Variants in GSPT1 observed in about 807,000 individuals in gnomAD.
GSPT1 encodes the protein G1 to S phase transition 1, also known as eukaryotic peptide chain release factor GTP-binding subunit ERF3A.
In GSPT1, 20 loss-of-function variants were observed where a neutral mutation model predicts 72.5. The observed-to-expected ratio is 0.28, with a 90% CI of 0.19 to 0.40. GSPT1 has a LOEUF of 0.40. GSPT1 is among the 10% of genes least tolerant of loss of function. The pLI, the probability that GSPT1 is intolerant of heterozygous loss-of-function variation, is 1.00. For synonymous variants in GSPT1, 334 were observed against 293.5 expected, an observed-to-expected ratio of 1.14 and a Z score of -1.41; for missense variants, 580 against 811.9, an observed-to-expected ratio of 0.71 and a Z score of 3.47.
At chr16:11,915,010 C>T (rs1274478136) in intron 1 of GSPT1, 2 of 1,289,892 alleles carry the variant, frequency 1.6e-6, no homozygotes, top group African/African-American at 3.0e-5. Context: ...CTGGCTCCAT[C>T]TGTCCTCATT....
chr16:11,913,444 T>C (rs996598143), intron 1 of GSPT1, among the ~76,000 whole-genome samples: 10 of 152,230 alleles, frequency 6.6e-5, no homozygotes, highest in Admixed American at 1.3e-4. Context: ...GCATCTCCAA[T>C]TTCTAGCACT....
chr16:11,875,277 C>T (rs1360091482), intron 14 of GSPT1, among the ~76,000 whole-genome samples: 2 of 152,102 alleles, frequency 1.3e-5, no homozygotes, highest in Non-Finnish European at 2.9e-5. Context: ...GGAAACGTTT[C>T]ATAACAATCA....
In GSPT1 at chr16:11,869,859, T is replaced by C. The variant is rs1031943795; in HGVS notation, c.*3260A>G. The stretch of plus-strand genomic sequence containing the variant: ...TCATCTTGGGAGCAGTTTTTGATCA[T>C]AGGTTCAACTTTTTTCTTGGGTTGC... On this transcript the variant is annotated 3_prime_UTR_variant, in exon 15 of 15. Coordinates refer to ENST00000434724, the MANE Select transcript of GSPT1 (RefSeq NM_002094.4). 6.6e-6 allele frequency: 1 copy of C among 152,214 alleles called. No individual in the cohort carries two copies. Among genetic ancestry groups the C allele is most frequent in the African/African-American group, 2.4e-5 (1 of 41,454 alleles). 9.4% of individuals were successfully genotyped at this position (152,214 alleles called of 1,614,324 possible).
upstream of GSPT1, among the ~76,000 whole-genome samples, chr16:11,916,283 G>A (rs868269245): frequency 6.6e-6 from 1 of 152,212 alleles, no homozygotes; most frequent in African/African-American, 2.4e-5. Context: ...TGGTGGGGGG[G>A]CAGCGGCAGG....
rs1034680573 is a variant in GSPT1 at position 11,868,929 on chromosome 16, C to G, written c.*4190G>C. ...AGAACATAAAGGTTTTAATTAATCT[C>G]CACTCCCACACCTTCAGGCCCTTAT... On this transcript the variant is annotated 3_prime_UTR_variant, in exon 15 of 15. Transcript: ENST00000434724. The G allele has an allele frequency of 6.6e-6, 1 of 152,196 alleles. No individual in the cohort carries two copies. Among genetic ancestry groups the G allele is most frequent in the Non-Finnish European group, 1.5e-5 (1 of 68,042 alleles). 9.4% of individuals were successfully genotyped at this position (152,196 alleles called of 1,614,324 possible). A position where few individuals can be genotyped will look rare whatever the true frequency, so the allele number is the denominator to read the frequency against.
In GSPT1 at chr16:11,875,157, C is replaced by A. The variant is rs371007310; in HGVS notation, c.1861+604G>T. Reference sequence around the variant, plus strand: ...TGAGCCAAGATGGTGCCACTGCACTCCAGCCTGGGTGACAGATCGAGACTC... The same window carrying A: ...TGAGCCAAGATGGTGCCACTGCACTACAGCCTGGGTGACAGATCGAGACTC... On this transcript the variant is annotated intron_variant, in intron 14 of 14. Coordinates refer to ENST00000434724, the MANE Select transcript of GSPT1 (RefSeq NM_002094.4). Among the ~76,000 whole-genome samples the A allele has an allele frequency of 1.8e-4, 28 of 151,796 alleles. No homozygotes were observed. The South Asian group carries it at 3.3e-3, about 18-fold the overall frequency.
chr16:11,915,251 C>T (rs1218528617), intron 1 of GSPT1, 118 bp downstream of exon 1: 10 of 1,177,308 alleles, frequency 8.5e-6, no homozygotes, highest in Admixed American at 4.5e-5. Context: ...CAGACGGCGC[C>T]ACTGTCAGCG....
intron 1 of GSPT1, among the ~76,000 whole-genome samples, chr16:11,912,325 G>A (rs2054570503): frequency 6.9e-6 from 1 of 145,898 alleles, no homozygotes; most frequent in Non-Finnish European, 1.5e-5. Context: ...TCCAGCCTGG[G>A]CAACAGAGCA....
intron 11 of GSPT1, among the ~76,000 whole-genome samples, chr16:11,878,586 C>T (rs2054077368): frequency 7.2e-6 from 1 of 138,108 alleles, no homozygotes; most frequent in Non-Finnish European, 1.5e-5. Context: ...ACAGCGAGAC[C>T]CTGTCTTTAA....
chr16:11,895,099 G>C, intron 4 of GSPT1, 112 bp from the exon 5 acceptor site: 1 of 710,010 alleles, frequency 1.4e-6, no homozygotes, highest in Non-Finnish European at 2.5e-6. Context: ...TATGAATTTG[G>C]GGCATAAATC....
At chr16:11,873,854 G>A (rs977204456) in intron 14 of GSPT1, among the ~76,000 whole-genome samples, 2 of 152,180 alleles carry the variant, frequency 1.3e-5, no homozygotes, top group African/African-American at 2.4e-5. Context: ...CTCCCAAAGT[G>A]CTGGGATTAC....
At chr16:11,900,695 G>T (rs958793264) in intron 1 of GSPT1, among the ~76,000 whole-genome samples, 1 of 152,148 alleles carries the variant, frequency 6.6e-6, no homozygotes, top group East Asian at 1.9e-4. Flanking sequence ...GATGTACTGC[G>T]TATCTTAAGG....
At chr16:11,897,530 A>C (rs2054355362) in intron 3 of GSPT1, among the ~76,000 whole-genome samples, 1 of 152,128 alleles carries the variant, frequency 6.6e-6, no homozygotes, top group Non-Finnish European at 1.5e-5. Flanking sequence ...GGTTGCAGTG[A>C]CCCAAGATTG....
intron 11 of GSPT1, chr16:11,881,057 C>G (rs1308389549): frequency 2.0e-5 from 3 of 152,260 alleles, no homozygotes; most frequent in Non-Finnish European, 2.9e-5. Flanking sequence ...CGCTGACACA[C>G]TTGGCTAATT....
In GSPT1 at chr16:11,915,886, G is replaced by T. The variant is rs781457319; in HGVS notation, c.-166C>A. The T allele has an allele frequency of 2.1e-5, 21 of 999,630 alleles. No homozygotes were observed. The highest frequency in any genetic ancestry group is 3.1e-5 in the Non-Finnish European group (20 of 639,480). 61.9% of individuals were successfully genotyped at this position (999,630 alleles called of 1,614,324 possible). ...TCGCCGCGGCAGCAGCTCCAGTCCC[G>T]ACTCCACACTCGCGACGACGACAGA... On this transcript the variant is annotated 5_prime_UTR_variant, in exon 1 of 15. Transcript: ENST00000434724.
Position 11,876,098 on chromosome 16 carries a change from C to T in GSPT1, c.1680G>A (p.Glu560=). 6.3e-7 allele frequency: 1 copy of T among 1,596,670 alleles called. No individual in the cohort carries two copies. Among genetic ancestry groups the T allele is most frequent in the Non-Finnish European group, 8.6e-7 (1 of 1,164,412 alleles). ...AVLHIHTCIE[E]VEITALICLV... is the part of the protein sequence containing the mutation. ...ATCTTAAACTCACTGTTATTTCCAC[C>T]TCCTCAATACAGGTATGAATATGCA... Residue 560 remains glutamate (E), a synonymous_variant, in exon 13 of 15, where the codon GAG becomes GAA. Coordinates refer to ENST00000434724, the MANE Select transcript of GSPT1 (RefSeq NM_002094.4).
intron 1 of GSPT1, chr16:11,908,696 C>T (rs1486613175): frequency 1.1e-5 from 1 of 88,894 alleles, no homozygotes; most frequent in Non-Finnish European, 2.0e-5. Flanking sequence ...GGAGGCGGAG[C>T]TTGCAGTGAG....
intron 1 of GSPT1, among the ~76,000 whole-genome samples, chr16:11,901,617 A>AC (rs2054406961): frequency 4.2e-5 from 5 of 120,098 alleles, no homozygotes; most frequent in South Asian, 2.6e-4. Context: ...CTCCACACAC[A>AC]AAAATATATA....
chr16:11,915,573 G>A lies in GSPT1; in HGVS notation c.148C>T (p.Leu50=). The A allele has an allele frequency of 1.3e-6, 2 of 1,488,356 alleles. No individual in the cohort carries two copies. The highest frequency in any genetic ancestry group is 1.8e-6 in the Non-Finnish European group (2 of 1,119,722). The allele number at this position is 1,488,356 out of a possible 1,614,324, so 92.2% of individuals were successfully genotyped here. A position where few individuals can be genotyped will look rare whatever the true frequency, so the allele number is the denominator to read the frequency against. Residue 50 remains leucine (L), a synonymous_variant, in exon 1 of 15, where the codon CTG becomes TTG. Coordinates refer to ENST00000434724, the MANE Select transcript of GSPT1 (RefSeq NM_002094.4). ...GPGPCGGGGS[L]AAAAEAQREN... is the part of the protein sequence containing the mutation. ...CGCTGGGCCTCGGCCGCCGCCGCCA[G>A]GGAGCCGCCGCCGCCGCAAGGGCCC...
Sources: allele counts gnomAD v4.1 joint callset (sites outside exome capture counted in the v4.1 genomes callset), GRCh38; gene constraint gnomAD v4.1.1; transcripts MANE v1.5; gene names NCBI Gene and HGNC (gene_info 2026-07-23, HGNC 2026-07-21).